Variants in TOM1L1 observed in about 807,000 individuals in gnomAD.
The protein encoded by TOM1L1 is target of myb1 like 1 membrane trafficking protein, also known as TOM1-like protein 1.
A neutral mutation model predicts 63.4 loss-of-function variants in TOM1L1; 64 were observed. The observed-to-expected ratio is 1.01, with a 90% CI of 0.83 to 1.24. The LOEUF is 1.24. Ranked by LOEUF, TOM1L1 falls within the 50% of genes most tolerant of loss-of-function variation. The pLI is 0.00. For missense variants in TOM1L1, 536 were observed against 567.0 expected (o/e 0.95, Z 0.55); for synonymous variants, 166 against 194.4 (o/e 0.85, Z 1.22).
chr17:54,915,393 C>T (rs1407642997), intron 6 of TOM1L1, among the ~76,000 whole-genome samples: 3 of 152,092 alleles, frequency 2.0e-5, no homozygotes, highest in Non-Finnish European at 4.4e-5. Flanking sequence ...TGCCAAGAAA[C>T]TCAGGATAAC....
intron 10 of TOM1L1, 90 bp downstream of exon 10, chr17:54,937,316 A>C: frequency 9.7e-7 from 1 of 1,032,296 alleles, no homozygotes; most frequent in Non-Finnish European, 1.5e-6. Flanking sequence ...CCACCTAAGA[A>C]GGACTGAAGT....
At chr17:54,923,655 C>T (rs551578278) in intron 7 of TOM1L1, among the ~76,000 whole-genome samples, 1 of 152,036 alleles carries the variant, frequency 6.6e-6, no homozygotes, top group East Asian at 1.9e-4. Context: ...GAGCAATTCT[C>T]CTGTCTCAGC....
chr17:54,905,817 T>C (rs2143732333), intron 3 of TOM1L1, among the ~76,000 whole-genome samples: 1 of 152,356 alleles, frequency 6.6e-6, no homozygotes, highest in Non-Finnish European at 1.5e-5. Flanking sequence ...TCAATTTTTC[T>C]TGGTCAGGAG....
chr17:54,928,382 C>CAA (rs2048803644), intron 7 of TOM1L1, among the ~76,000 whole-genome samples: 1 of 150,692 alleles, frequency 6.6e-6, no homozygotes, highest in African/African-American at 2.5e-5. Flanking sequence ...AAAAACAAAA[C>CAA]AACAACAACA....
In TOM1L1 at chr17:54,949,661, CTT is replaced by C. The variant is rs760399198; in HGVS notation, c.1288+39_1288+40del. 13 of 1,495,166 alleles carry C rather than the reference CTT, an allele frequency of 8.7e-6. No individual in the cohort carries two copies. In the South Asian group the frequency reaches 1.2e-4, roughly 14 times the overall value. The allele number at this position is 1,495,166 out of a possible 1,614,324, so 92.6% of individuals were successfully genotyped here. ...TTATTATTCGCATCAAATAAGGAAACTTATGAGAATATATGAGTCTGCCAGAG... is the reference window on the plus strand; with the variant it reads ...TTATTATTCGCATCAAATAAGGAAACATGAGAATATATGAGTCTGCCAGAG... On this transcript the variant is annotated intron_variant, in intron 13 of 15. Coordinates refer to ENST00000575882, the MANE Select transcript of TOM1L1 (RefSeq NM_005486.3).
At chr17:54,956,327 C>CA (rs1018043716) in intron 14 of TOM1L1, among the ~76,000 whole-genome samples, 1 of 151,866 alleles carries the variant, frequency 6.6e-6, no homozygotes, top group Non-Finnish European at 1.5e-5. Flanking sequence ...TTTTTTGAGA[C>CA]AGAGTGTCAC....
intron 7 of TOM1L1, among the ~76,000 whole-genome samples, chr17:54,922,034 T>C (rs2048692372): frequency 6.6e-6 from 1 of 152,150 alleles, no homozygotes; most frequent in African/African-American, 2.4e-5. Flanking sequence ...GGCTTATGCC[T>C]GTAATCCCAG....
At position 54,961,562 on chromosome 17, in the gene TOM1L1, A is replaced by T; in HGVS notation, c.*329A>T. The T allele has an allele frequency of 7.4e-7, 1 of 1,344,572 alleles. No homozygotes were observed. The highest frequency in any genetic ancestry group is 9.5e-7 in the Non-Finnish European group (1 of 1,048,896). 83.3% of individuals were successfully genotyped at this position (1,344,572 alleles called of 1,614,324 possible). The stretch of plus-strand genomic sequence containing the variant: ...TTCCTACATTTAGAAATCGTCACAC[A>T]GCTGTGATAAGAGTAGATTATTTTA... On this transcript the variant is annotated 3_prime_UTR_variant, in exon 16 of 16. Coordinates refer to ENST00000575882, the MANE Select transcript of TOM1L1 (RefSeq NM_005486.3).
At chr17:54,921,918 A>T (rs1567826860) in intron 7 of TOM1L1, among the ~76,000 whole-genome samples, 1 of 152,176 alleles carries the variant, frequency 6.6e-6, no homozygotes, top group Admixed American at 6.5e-5. Flanking sequence ...TAACATAAAC[A>T]GTCGATTCAC....
At chr17:54,901,256 T>A in intron 1 of TOM1L1, 1 of 397,976 alleles carries the variant, frequency 2.5e-6, no homozygotes, top group Non-Finnish European at 4.6e-6. Flanking sequence ...GTAGGGGAAG[T>A]TATTCCTAAA....
chr17:54,912,326 C>G (rs973802852), intron 3 of TOM1L1, among the ~76,000 whole-genome samples: 1 of 152,140 alleles, frequency 6.6e-6, no homozygotes, highest in African/African-American at 2.4e-5. Flanking sequence ...TATACCTGTG[C>G]TACCCTGGGT....
intron 7 of TOM1L1, among the ~76,000 whole-genome samples, chr17:54,925,534 C>G (rs1373154715): frequency 6.6e-6 from 1 of 152,156 alleles, no homozygotes; most frequent in African/African-American, 2.4e-5. Flanking sequence ...GAAGAGCCTC[C>G]ACTCAAAAAT....
chr17:54,930,230 TA>T (rs766024846), intron 8 of TOM1L1, 24 bp downstream of exon 8: 1 of 1,613,418 alleles, frequency 6.2e-7, no homozygotes, highest in Non-Finnish European at 8.5e-7. Flanking sequence ...GTACCCTCTT[TA>T]CCCCTCTTCC....
intron 5 of TOM1L1, among the ~76,000 whole-genome samples, chr17:54,914,371 A>G (rs1232641347): frequency 1.4e-4 from 4 of 28,484 alleles, no homozygotes; most frequent in African/African-American, 3.5e-4. Flanking sequence ...ACCCTTGGTT[A>G]AAAAAAAAAA....
At position 54,958,723 on chromosome 17, in the gene TOM1L1, T is replaced by G. The variant is rs374128594; in HGVS notation, c.1371-1843T>G. 6.8e-3 allele frequency among the ~76,000 whole-genome samples: 381 copies of G among 55,902 alleles called. 4 individuals carry two copies. Among genetic ancestry groups the G allele is most frequent in the African/African-American group, 0.025 (369 of 14,808 alleles). The allele number at this position is 55,902 out of a possible 152,430, so 36.7% of individuals were successfully genotyped here. A position where few individuals can be genotyped will look rare whatever the true frequency, so the allele number is the denominator to read the frequency against. ...CTAGCGTGGGCAACAAGAGTGAAACTCCATCTCAAAAAAAAAAAAAAAAAA... is the reference window on the plus strand; with the variant it reads ...CTAGCGTGGGCAACAAGAGTGAAACGCCATCTCAAAAAAAAAAAAAAAAAA... On this transcript the variant is annotated intron_variant, in intron 14 of 15. Coordinates refer to ENST00000575882, the MANE Select transcript of TOM1L1 (RefSeq NM_005486.3).
intron 2 of TOM1L1, among the ~76,000 whole-genome samples, chr17:54,904,156 G>A (rs533875081): frequency 9.2e-5 from 14 of 152,038 alleles, no homozygotes; most frequent in African/African-American, 2.9e-4. Context: ...TCATGAGGTC[G>A]GGAGATGGAG....
intron 7 of TOM1L1, among the ~76,000 whole-genome samples, chr17:54,924,575 A>T (rs922743631): frequency 6.6e-6 from 1 of 152,152 alleles, no homozygotes; most frequent in African/African-American, 2.4e-5. Flanking sequence ...GTCTAAAATT[A>T]GCCACCGTCC....
At chr17:54,936,826 A>C (rs1360946731) in intron 9 of TOM1L1, 117 bp downstream of exon 9, 6 of 899,220 alleles carry the variant, frequency 6.7e-6, no homozygotes, top group Non-Finnish European at 1.0e-5. Context: ...CATAATTTGG[A>C]GTGGTTTTAA....
intron 7 of TOM1L1, among the ~76,000 whole-genome samples, chr17:54,926,696 T>G (rs2048775028): frequency 6.6e-6 from 1 of 152,068 alleles, no homozygotes; most frequent in African/African-American, 2.4e-5. Flanking sequence ...CCCAGACCAT[T>G]CTTGTCTTTA....
Sources: allele counts gnomAD v4.1 joint callset (sites outside exome capture counted in the v4.1 genomes callset), GRCh38; gene constraint gnomAD v4.1.1; transcripts MANE v1.5; gene names NCBI Gene and HGNC (gene_info 2026-07-23, HGNC 2026-07-21).